NPY2R: variants seen among roughly 807,000 people sequenced by gnomAD.
The protein encoded by NPY2R is neuropeptide Y receptor type 2.
In NPY2R, 17 loss-of-function variants were observed where a neutral mutation model predicts 22.3. The observed-to-expected ratio is 0.76, with a 90% CI of 0.52 to 1.14. The LOEUF (loss-of-function observed/expected upper bound fraction) is 1.14, where lower values mean the gene tolerates loss of function less well. NPY2R is among the 50% of genes most tolerant of loss of function. The probability of loss-of-function intolerance (pLI) is 0.00; values close to 1 mark genes in which losing one functional copy is unlikely to be tolerated. For synonymous variants in NPY2R, 209 were observed against 183.4 expected (o/e 1.14, Z -1.13); for missense variants, 424 against 467.9 (o/e 0.91, Z 0.87).
At chr4:155,203,905 G>T (rs990751786), upstream of NPY2R, among the ~76,000 whole-genome samples, 1 of 152,140 alleles carries the variant, frequency 6.6e-6, no homozygotes, top group Non-Finnish European at 1.5e-5. Flanking sequence ...AACCTAAGAA[G>T]TTAAGTACAT....
At chr4:155,187,369 G>T in the NPY2R span, among the ~76,000 whole-genome samples, 2 of 152,218 alleles carry the variant, frequency 1.3e-5, no homozygotes, top group South Asian at 4.1e-4. Flanking sequence ...ATCACCAAAA[G>T]GTCAGATCAT....
chr4:155,192,482 G>T, the NPY2R span, among the ~76,000 whole-genome samples: 3 of 151,682 alleles, frequency 2.0e-5, no homozygotes, highest in African/African-American at 7.3e-5. Flanking sequence ...TTACATTCTT[G>T]ATCTAGGTAT....
At chr4:155,212,923 G>A (rs903407964) in intron 1 of NPY2R, among the ~76,000 whole-genome samples, 49 of 152,290 alleles carry the variant, frequency 3.2e-4, no homozygotes, top group African/African-American at 1.1e-3. Context: ...AACGTGGTAT[G>A]TAATACACCA....
chr4:155,207,968 C>G (rs1729316011), upstream of NPY2R: 1 of 152,298 alleles, frequency 6.6e-6, no homozygotes, highest in African/African-American at 2.4e-5. Flanking sequence ...AAACTGTCTG[C>G]AGACACCTGT....
upstream of NPY2R, among the ~76,000 whole-genome samples, chr4:155,205,776 A>G (rs2111028298): frequency 6.6e-6 from 1 of 152,084 alleles, no homozygotes; most frequent in East Asian, 1.9e-4. Flanking sequence ...ACATGTTACA[A>G]TATTGGAGGC....
chr4:155,192,151 A>G, the NPY2R span, among the ~76,000 whole-genome samples: 1 of 151,046 alleles, frequency 6.6e-6, no homozygotes, highest in Non-Finnish European at 1.5e-5. Flanking sequence ...ATTCTGGATC[A>G]CAAGTGCTGT....
chr4:155,188,785 C>G, the NPY2R span, among the ~76,000 whole-genome samples: 1 of 152,070 alleles, frequency 6.6e-6, no homozygotes, highest in Non-Finnish European at 1.5e-5. Flanking sequence ...CTTTCCCAGT[C>G]AAACCTCAGA....
the NPY2R span, chr4:155,173,901 C>A: frequency 2.6e-5 from 4 of 151,996 alleles, no homozygotes; most frequent in Non-Finnish European, 5.9e-5. Context: ...ATTTCTCCTG[C>A]AGTCTAAATT....
At chr4:155,200,859 TG>T in the NPY2R span, among the ~76,000 whole-genome samples, 1 of 151,638 alleles carries the variant, frequency 6.6e-6, no homozygotes, top group East Asian at 2.0e-4. Flanking sequence ...GTTGGTGGTT[TG>T]GGGGTGAGGG....
chr4:155,200,937 G>T, the NPY2R span, among the ~76,000 whole-genome samples: 2 of 152,046 alleles, frequency 1.3e-5, no homozygotes, highest in African/African-American at 4.8e-5. Flanking sequence ...GGGTTGATAG[G>T]TGCAGCGAAT....
At chr4:155,188,004 A>G in the NPY2R span, among the ~76,000 whole-genome samples, 4 of 152,148 alleles carry the variant, frequency 2.6e-5, no homozygotes, top group Non-Finnish European at 5.9e-5. Context: ...AGATAATGCA[A>G]TAAACCTTTG....
At chr4:155,177,392 T>C in the NPY2R span, among the ~76,000 whole-genome samples, 1 of 152,164 alleles carries the variant, frequency 6.6e-6, no homozygotes, top group South Asian at 2.1e-4. Context: ...GGGTACCGAG[T>C]AAGTCCCCAA....
chr4:155,198,414 G>T, the NPY2R span, among the ~76,000 whole-genome samples: 1 of 147,692 alleles, frequency 6.8e-6, no homozygotes, highest in Admixed American at 6.8e-5. Context: ...TTATATATAT[G>T]TATATAAAAT....
At chr4:155,212,019 C>A (rs1729414581) in intron 1 of NPY2R, among the ~76,000 whole-genome samples, 1 of 152,194 alleles carries the variant, frequency 6.6e-6, no homozygotes, top group Non-Finnish European at 1.5e-5. Flanking sequence ...AAAATGTATT[C>A]TGTGAGAGTC....
chr4:155,189,336 C>T, the NPY2R span, among the ~76,000 whole-genome samples: 1 of 151,968 alleles, frequency 6.6e-6, no homozygotes, highest in Non-Finnish European at 1.5e-5. Context: ...GAGCCAGTCC[C>T]CTGTGTCAGC....
At chr4:155,177,925 T>A in the NPY2R span, among the ~76,000 whole-genome samples, 1 of 152,138 alleles carries the variant, frequency 6.6e-6, no homozygotes, top group African/African-American at 2.4e-5. Flanking sequence ...GAACCTACCT[T>A]CAAACCATAG....
chr4:155,214,736 C>A lies in NPY2R; in HGVS notation c.797C>A (p.Thr266Asn), dbSNP rs1488434401. Reference sequence around the variant, plus strand: ...CACTACCATCAGCGAAGGCAAAAAACCACCAAAATGCTGGTGTGTGTGGTG... The same window carrying A: ...CACTACCATCAGCGAAGGCAAAAAAACACCAAAATGCTGGTGTGTGTGGTG... Reference protein sequence around the residue: ...NDHYHQRRQKTTKMLVCVVVV... With the variant: ...NDHYHQRRQKNTKMLVCVVVV... The change falls in exon 2 of 2, where the codon ACC (threonine) becomes AAC (asparagine). Residue 266 changes from threonine to asparagine, a missense_variant. Transcript: ENST00000329476. 4 of 1,614,072 alleles carry A rather than the reference C, an allele frequency of 2.5e-6. No individual in the cohort carries two copies. The highest frequency in any genetic ancestry group is 1.7e-6 in the Non-Finnish European group (2 of 1,180,032).
At chr4:155,197,491 G>T in the NPY2R span, among the ~76,000 whole-genome samples, 1 of 151,298 alleles carries the variant, frequency 6.6e-6, no homozygotes, top group Admixed American at 6.6e-5. Flanking sequence ...CTTCTTTCCT[G>T]ACTAGGAGGA....
the NPY2R span, among the ~76,000 whole-genome samples, chr4:155,183,606 T>C: frequency 6.6e-6 from 1 of 152,104 alleles, no homozygotes; most frequent in African/African-American, 2.4e-5. Flanking sequence ...TTAAAAGGAT[T>C]AGAGAAATGA....
Sources: gnomAD v4.1 joint callset for allele counts (sites outside exome capture counted in the v4.1 genomes callset) on GRCh38, gnomAD v4.1.1 for gene constraint, MANE v1.5 for transcripts, NCBI Gene and HGNC (gene_info 2026-07-23, HGNC 2026-07-21) for gene names.